DYNC2H1: variants seen among roughly 807,000 people sequenced by gnomAD.
DYNC2H1 encodes the protein dynein cytoplasmic 2 heavy chain 1, also known as cytoplasmic dynein 2 heavy chain 1.
Under a neutral mutation model 570.0 loss-of-function variants are expected in DYNC2H1, and 410 were observed. The ratio of observed to expected loss-of-function variants is 0.72; its 90% confidence interval spans 0.66 to 0.78. The LOEUF (loss-of-function observed/expected upper bound fraction) is 0.78, where lower values mean the gene tolerates loss of function less well. Ranked by LOEUF, DYNC2H1 falls within the 30% of genes least tolerant of loss-of-function variation. DYNC2H1 has a pLI of 0.00. For synonymous variants in DYNC2H1, 1,688 were observed against 1,677.6 expected (o/e 1.01, Z -0.15); for missense variants, 4,865 against 5,046.4 (o/e 0.96, Z 1.09).
intron 82 of DYNC2H1, among the ~76,000 whole-genome samples, chr11:103,343,154 G>A (rs538095954): frequency 2.0e-5 from 3 of 152,242 alleles, no homozygotes; most frequent in South Asian, 2.1e-4. Flanking sequence ...GGGCTGAGCC[G>A]AGGGTTGACA....
chr11:103,173,078 T>C lies in DYNC2H1; in HGVS notation c.5335-4T>C. ...TAAATTAATATTTTTAATTAATATTTCAGGTAGAAGTAAATTCTAATTCTG... is the reference window on the plus strand; with the variant it reads ...TAAATTAATATTTTTAATTAATATTCCAGGTAGAAGTAAATTCTAATTCTG... On this transcript the variant is annotated splice_region_variant and splice_polypyrimidine_tract_variant and intron_variant, in intron 34 of 88. Coordinates refer to ENST00000375735, the MANE Select transcript of DYNC2H1 (RefSeq NM_001377.3). 1 of 1,269,400 alleles carries C rather than the reference T, an allele frequency of 7.9e-7. No individual in the cohort carries two copies. Among genetic ancestry groups the C allele is most frequent in the Middle Eastern group, 2.1e-4 (1 of 4,734 alleles). 78.6% of individuals were successfully genotyped at this position (1,269,400 alleles called of 1,614,324 possible). A position where few individuals can be genotyped will look rare whatever the true frequency, so the allele number is the denominator to read the frequency against.
chr11:103,355,708 C>T (rs1270598880), intron 82 of DYNC2H1, among the ~76,000 whole-genome samples: 1 of 151,994 alleles, frequency 6.6e-6, no homozygotes, highest in Non-Finnish European at 1.5e-5. Flanking sequence ...AGTTTGTTTT[C>T]TAAATTATTT....
chr11:103,395,492 TAC>T lies in DYNC2H1; in HGVS notation c.12157-4148_12157-4147del, dbSNP rs35986938. Among the ~76,000 whole-genome samples the T allele has an allele frequency of 0.38, 57,088 of 149,696 alleles. 12,684 individuals carry two copies. The highest frequency in any genetic ancestry group is 0.51 in the Non-Finnish European group (34,318 of 67,378). On this transcript the variant is annotated intron_variant, in intron 83 of 88. Transcript: ENST00000375735. This position sits in a 1 kb window ranked among gnomAD's most constrained non-coding sequence, Gnocchi z 4.3. ...TATCATATATATATTTATGTATATG[TAC>T]ACACACACACACACACACACACTTC...
At chr11:103,382,686 C>T (rs1376872545) in intron 83 of DYNC2H1, among the ~76,000 whole-genome samples, 2 of 152,166 alleles carry the variant, frequency 1.3e-5, no homozygotes, top group Non-Finnish European at 2.9e-5. Flanking sequence ...TGAAACTCCA[C>T]AAACTAATTC....
chr11:103,453,142 A>G (rs1944666285), intron 85 of DYNC2H1, among the ~76,000 whole-genome samples: 1 of 152,046 alleles, frequency 6.6e-6, no homozygotes, highest in Non-Finnish European at 1.5e-5. Flanking sequence ...TCTCATAGTC[A>G]TAGAAGGGAC....
chr11:103,316,841 G>C (rs1937873189), intron 80 of DYNC2H1, among the ~76,000 whole-genome samples: 1 of 148,054 alleles, frequency 6.8e-6, no homozygotes, highest in Non-Finnish European at 1.5e-5. Context: ...AGTCTAGAAA[G>C]ACCTTGTTTT....
At chr11:103,226,840 T>A (rs980672618) in intron 59 of DYNC2H1, among the ~76,000 whole-genome samples, 1 of 151,124 alleles carries the variant, frequency 6.6e-6, no homozygotes, top group Non-Finnish European at 1.5e-5. Context: ...CCATCAAGAT[T>A]TTAAAATTAC....
chr11:103,329,047 C>T (rs1373655852), intron 82 of DYNC2H1, among the ~76,000 whole-genome samples: 2 of 151,788 alleles, frequency 1.3e-5, no homozygotes, highest in Non-Finnish European at 2.9e-5. Context: ...GGACAGACTT[C>T]AGATGTAGAT....
At chr11:103,287,389 T>C in intron 74 of DYNC2H1, 144 bp from the exon 75 acceptor site, 1 of 660,718 alleles carries the variant, frequency 1.5e-6, no homozygotes, top group Non-Finnish European at 2.5e-6. Flanking sequence ...TGTGACAGTT[T>C]AAAGCACAGT....
At chr11:103,397,729 T>A (rs974145210) in intron 83 of DYNC2H1, among the ~76,000 whole-genome samples, 1 of 152,062 alleles carries the variant, frequency 6.6e-6, no homozygotes, top group African/African-American at 2.4e-5. Flanking sequence ...TACCTGTCTC[T>A]ACAAAAAATA....
intron 40 of DYNC2H1, among the ~76,000 whole-genome samples, chr11:103,183,818 C>A (rs1012793936): frequency 7.2e-5 from 11 of 151,826 alleles, no homozygotes; most frequent in African/African-American, 2.7e-4. Context: ...TTTCTTCTTT[C>A]TCACAAAAAT....
chr11:103,426,389 C>CAACAA (rs1192056682), intron 84 of DYNC2H1, among the ~76,000 whole-genome samples: 1 of 152,146 alleles, frequency 6.6e-6, no homozygotes, highest in African/African-American at 2.4e-5. Flanking sequence ...ATCTCCACAA[C>CAACAA]CAAGCTGGTC....
intron 83 of DYNC2H1, among the ~76,000 whole-genome samples, chr11:103,358,582 T>C (rs913205075): frequency 1.3e-5 from 2 of 152,200 alleles, no homozygotes; most frequent in Non-Finnish European, 2.9e-5. Flanking sequence ...AAATAAGTAA[T>C]CATATTCACA....
chr11:103,376,214 G>C (rs1941385312), intron 83 of DYNC2H1, among the ~76,000 whole-genome samples: 2 of 152,326 alleles, frequency 1.3e-5, no homozygotes, highest in South Asian at 4.1e-4. Context: ...GCAGAGATGT[G>C]AGTCAATTAA....
In DYNC2H1 at chr11:103,201,546, C is replaced by T. The variant is rs1862720285; in HGVS notation, c.8197+1392C>T. 6.6e-6 allele frequency among the ~76,000 whole-genome samples: 1 copy of T among 152,094 alleles called. No individual in the cohort carries two copies. ...GAATTCTTTGCTACTACCCTAAATC[C>T]ATTGAATTAAAATCTCTGGGGTATG... On this transcript the variant is annotated intron_variant, in intron 50 of 88. Transcript: ENST00000375735. The surrounding 1 kb of genome is among the most constrained non-coding windows in gnomAD (Gnocchi z 4.8).
At chr11:103,417,863 G>A (rs187632516) in intron 84 of DYNC2H1, among the ~76,000 whole-genome samples, 144 of 136,260 alleles carry the variant, frequency 1.1e-3, no homozygotes, top group Admixed American at 2.2e-3. Context: ...ACAACAGAGC[G>A]AGACTCCATC....
intron 82 of DYNC2H1, among the ~76,000 whole-genome samples, chr11:103,335,305 T>A (rs1939058850): frequency 6.6e-6 from 1 of 152,098 alleles, no homozygotes; most frequent in Non-Finnish European, 1.5e-5. Context: ...CTTTAATGAC[T>A]ATACAGTTCC....
At chr11:103,387,056 G>C (rs956581577) in intron 83 of DYNC2H1, among the ~76,000 whole-genome samples, 1 of 152,092 alleles carries the variant, frequency 6.6e-6, no homozygotes, top group South Asian at 2.1e-4. Flanking sequence ...TCTAGTTCTA[G>C]ATCCCTGAGG....
chr11:103,461,174 C>T lies in DYNC2H1; in HGVS notation c.12648+4818C>T, dbSNP rs1944998366. On this transcript the variant is annotated intron_variant, in intron 87 of 88. Coordinates refer to ENST00000375735, the MANE Select transcript of DYNC2H1 (RefSeq NM_001377.3). This position sits in a 1 kb window ranked among gnomAD's most constrained non-coding sequence, Gnocchi z 4.8. Reference sequence around the variant, plus strand: ...TAAGGCTTTCACTGTTAGCACTTGGCAAAATTAGTAAGTTCATTTGTCCAT... The same window carrying T: ...TAAGGCTTTCACTGTTAGCACTTGGTAAAATTAGTAAGTTCATTTGTCCAT... Among the ~76,000 whole-genome samples, 1 of 152,152 alleles carries T rather than the reference C, an allele frequency of 6.6e-6. No individual in the cohort carries two copies. The highest frequency in any genetic ancestry group is 2.4e-5 in the African/African-American group (1 of 41,428).
Sources: allele counts gnomAD v4.1 joint callset (sites outside exome capture counted in the v4.1 genomes callset), GRCh38; gene constraint gnomAD v4.1.1; non-coding constraint Gnocchi (gnomAD v3.1); transcripts MANE v1.5; gene names NCBI Gene and HGNC (gene_info 2026-07-23, HGNC 2026-07-21).